SUGCT: variants seen among roughly 807,000 people sequenced by gnomAD.
The protein encoded by SUGCT is succinyl-CoA:glutarate-CoA transferase, also known as succinyl-CoA:glutarate CoA-transferase.
SUGCT carries 41 observed loss-of-function variants against 55.0 expected under a neutral mutation model. That is an observed-to-expected ratio of 0.74 (90% confidence interval 0.58 to 0.97). The LOEUF (loss-of-function observed/expected upper bound fraction) is 0.97. SUGCT is among the 50% of genes least tolerant of loss of function. SUGCT has a pLI of 0.00. For missense variants in SUGCT, 568 were observed against 547.8 expected (o/e 1.04, Z -0.37); for synonymous variants, 187 against 200.4 (o/e 0.93, Z 0.56).
chr7:40,867,121 C>T, the SUGCT span, among the ~76,000 whole-genome samples: 1 of 139,598 alleles, frequency 7.2e-6, no homozygotes, highest in Non-Finnish European at 1.6e-5. Context: ...ATAAGAACTC[C>T]TTATATATAT....
chr7:40,459,083 A>G lies in SUGCT; in HGVS notation c.889-18A>G. 1 of 1,563,248 alleles carries G rather than the reference A, an allele frequency of 6.4e-7. No homozygotes were observed. On this transcript the variant is annotated intron_variant, in intron 10 of 13. Coordinates refer to ENST00000335693, the MANE Select transcript of SUGCT (RefSeq NM_001193313.2). ...AACTACCTATTTCTTATACTGGAAA[A>G]TTATTTTTTTCTTTTAGATCTTGGA...
the SUGCT span, among the ~76,000 whole-genome samples, chr7:40,989,152 A>G: frequency 2.0e-5 from 3 of 152,146 alleles, no homozygotes; most frequent in Non-Finnish European, 4.4e-5. Context: ...GCACATTGTA[A>G]CCTGTTTGCA....
At chr7:40,417,941 A>G (rs958097650) in intron 9 of SUGCT, among the ~76,000 whole-genome samples, 2 of 151,962 alleles carry the variant, frequency 1.3e-5, no homozygotes, top group Non-Finnish European at 2.9e-5. Flanking sequence ...CTTTTATATT[A>G]TATGTTATGC....
chr7:40,456,636 G>A (rs1206329007), intron 10 of SUGCT, among the ~76,000 whole-genome samples: 2 of 152,028 alleles, frequency 1.3e-5, no homozygotes, highest in Non-Finnish European at 2.9e-5. Context: ...GTGGGGTGGG[G>A]TGGCCTGTGA....
At chr7:40,624,285 A>G (rs1337363755) in intron 12 of SUGCT, among the ~76,000 whole-genome samples, 1 of 152,140 alleles carries the variant, frequency 6.6e-6, no homozygotes, top group Non-Finnish European at 1.5e-5. Context: ...GGTAATCGCC[A>G]AACTGGAAAT....
chr7:40,219,345 C>CATTTAA (rs1457294756), intron 6 of SUGCT, among the ~76,000 whole-genome samples: 2 of 152,304 alleles, frequency 1.3e-5, no homozygotes, highest in African/African-American at 4.8e-5. Context: ...ATTCCGGACA[C>CATTTAA]ATTTAAATAC....
intron 8 of SUGCT, among the ~76,000 whole-genome samples, chr7:40,305,891 G>C (rs541446793): frequency 6.6e-6 from 1 of 151,960 alleles, no homozygotes; most frequent in South Asian, 2.1e-4. Flanking sequence ...TCTTGAACTC[G>C]TGAGTTCAAG....
intron 8 of SUGCT, among the ~76,000 whole-genome samples, chr7:40,306,782 A>G (rs1041806526): frequency 1.2e-4 from 18 of 152,210 alleles, no homozygotes; most frequent in Admixed American, 6.5e-4. Flanking sequence ...TTAGTTGTTC[A>G]TAACCACTCT....
intron 13 of SUGCT, among the ~76,000 whole-genome samples, chr7:40,791,879 G>C (rs1205807778): frequency 6.6e-6 from 1 of 152,118 alleles, no homozygotes; most frequent in Non-Finnish European, 1.5e-5. Flanking sequence ...AATTAATCAG[G>C]AATACTACAA....
chr7:40,448,924 ATGTGTGTG>A (rs778913706), intron 9 of SUGCT, among the ~76,000 whole-genome samples: 16 of 145,114 alleles, frequency 1.1e-4, no homozygotes, highest in African/African-American at 3.3e-4. Flanking sequence ...GTGTGTATAT[ATGTGTGTG>A]TGTGTGTGTG....
In SUGCT at chr7:40,471,928, G is replaced by GT. The variant is rs1200023113; in HGVS notation, c.986+12731dup. On this transcript the variant is annotated intron_variant, in intron 11 of 13. Coordinates refer to ENST00000335693, the MANE Select transcript of SUGCT (RefSeq NM_001193313.2). The stretch of plus-strand genomic sequence containing the variant: ...GAAATACTTCACAAAAACTGAAAAC[G>GT]TAAGGTCAAATTCATGTATGAAAAG... Among the ~76,000 whole-genome samples the GT allele has an allele frequency of 2.6e-5, 4 of 151,938 alleles. No individual in the cohort carries two copies. The East Asian group carries it at 5.8e-4, about 22-fold the overall frequency.
At chr7:40,896,374 A>G in the SUGCT span, among the ~76,000 whole-genome samples, 1 of 152,188 alleles carries the variant, frequency 6.6e-6, no homozygotes, top group Non-Finnish European at 1.5e-5. Flanking sequence ...TGAAAGAATT[A>G]ATATTGGTAA....
chr7:40,168,255 A>AG (rs2150669301), intron 1 of SUGCT, among the ~76,000 whole-genome samples: 1 of 152,260 alleles, frequency 6.6e-6, no homozygotes, highest in Non-Finnish European at 1.5e-5. Context: ...CAAGTGCTGT[A>AG]GGGGAGGTTG....
At chr7:41,010,106 C>T in the SUGCT span, among the ~76,000 whole-genome samples, 2 of 152,196 alleles carry the variant, frequency 1.3e-5, no homozygotes, top group African/African-American at 4.8e-5. Flanking sequence ...AACCTCACAC[C>T]ACCCAGCAGA....
intron 13 of SUGCT, chr7:40,775,712 G>GA (rs1387587818): frequency 6.6e-6 from 1 of 152,204 alleles, no homozygotes; most frequent in Non-Finnish European, 1.5e-5. Flanking sequence ...AGTGTAAGGT[G>GA]AGTGGATTAT....
intron 12 of SUGCT, among the ~76,000 whole-genome samples, chr7:40,706,364 G>A (rs557600233): frequency 3.9e-5 from 6 of 152,168 alleles, no homozygotes; most frequent in South Asian, 4.2e-4. Context: ...AAAATTAGCC[G>A]GGAGTGGTGG....
intron 12 of SUGCT, among the ~76,000 whole-genome samples, chr7:40,595,455 C>T (rs1441433788): frequency 1.3e-5 from 2 of 152,118 alleles, no homozygotes; most frequent in Non-Finnish European, 2.9e-5. Context: ...AAGTTGGGAG[C>T]ATTTAATTGA....
chr7:40,785,497 C>G (rs561185820), intron 13 of SUGCT, among the ~76,000 whole-genome samples: 3 of 152,302 alleles, frequency 2.0e-5, no homozygotes, highest in South Asian at 4.1e-4. Flanking sequence ...CAGGAAAAGC[C>G]TCCAAGGCTT....
intron 9 of SUGCT, among the ~76,000 whole-genome samples, chr7:40,397,816 G>T (rs1246492190): frequency 1.3e-5 from 2 of 152,180 alleles, no homozygotes; most frequent in Non-Finnish European, 2.9e-5. Context: ...CAGTGTAACT[G>T]ATGCTATTGA....
Sources: allele counts gnomAD v4.1 joint callset (sites outside exome capture counted in the v4.1 genomes callset), GRCh38; gene constraint gnomAD v4.1.1; transcripts MANE v1.5; gene names NCBI Gene and HGNC (gene_info 2026-07-23, HGNC 2026-07-21).